GRIK1: variants seen among roughly 807,000 people sequenced by gnomAD.
The protein encoded by GRIK1 is glutamate ionotropic receptor kainate type subunit 1, also known as glutamate receptor ionotropic, kainate 1.
In GRIK1, 69 loss-of-function variants were observed where a neutral mutation model predicts 105.7. The observed-to-expected ratio is 0.65, with a 90% CI of 0.54 to 0.80. The LOEUF (loss-of-function observed/expected upper bound fraction) is 0.80, where lower values mean the gene tolerates loss of function less well. Ranked by LOEUF, GRIK1 falls within the 30% of genes least tolerant of loss-of-function variation. GRIK1 has a pLI of 0.00. For synonymous variants in GRIK1, 438 were observed against 431.3 expected (o/e 1.02, Z -0.19); for missense variants, 1,109 against 1,167.3 (o/e 0.95, Z 0.73).
chr21:29,897,958 T>G (rs2070233884), intron 1 of GRIK1, among the ~76,000 whole-genome samples: 1 of 152,186 alleles, frequency 6.6e-6, no homozygotes, highest in Non-Finnish European at 1.5e-5. Context: ...GGAGAAATAT[T>G]TGCAGTTATA....
chr21:29,742,213 CA>C (rs1452889930), intron 1 of GRIK1, among the ~76,000 whole-genome samples: 1 of 152,082 alleles, frequency 6.6e-6, no homozygotes, highest in Non-Finnish European at 1.5e-5. Context: ...TTCTGTTGTT[CA>C]AAAGGAATCA....
At chr21:29,901,800 G>A (rs1231787180) in intron 1 of GRIK1, among the ~76,000 whole-genome samples, 2 of 152,080 alleles carry the variant, frequency 1.3e-5, no homozygotes, top group South Asian at 4.2e-4. Flanking sequence ...ATTTTATGAG[G>A]CCAGCATCAT....
chr21:29,592,341 C>A (rs79049425), intron 9 of GRIK1, among the ~76,000 whole-genome samples: 3,674 of 152,274 alleles, frequency 0.024, 70 homozygotes, highest in East Asian at 0.093. Flanking sequence ...CCAACCATGG[C>A]AACTGGCATT....
At chr21:29,729,946 C>A (rs1442868720) in intron 1 of GRIK1, among the ~76,000 whole-genome samples, 2 of 152,176 alleles carry the variant, frequency 1.3e-5, no homozygotes, top group Non-Finnish European at 2.9e-5. Context: ...AACTTCTAAT[C>A]TCTCCCTGGA....
chr21:29,621,463 T>C (rs1193490416), intron 7 of GRIK1, among the ~76,000 whole-genome samples: 3 of 152,168 alleles, frequency 2.0e-5, no homozygotes, highest in Non-Finnish European at 4.4e-5. Flanking sequence ...CAATTCAAAA[T>C]GCAGATGGGC....
At chr21:29,879,964 G>A (rs1453034590) in intron 1 of GRIK1, among the ~76,000 whole-genome samples, 1 of 152,094 alleles carries the variant, frequency 6.6e-6, no homozygotes, top group East Asian at 1.9e-4. Context: ...GTGGTGAAAA[G>A]AGTTTACATA....
intron 16 of GRIK1, chr21:29,553,290 G>A (rs941458572): frequency 9.4e-7 from 1 of 1,064,868 alleles, no homozygotes; most frequent in Non-Finnish European, 1.1e-6. Flanking sequence ...CATGAAGATA[G>A]AACTAAGATG....
At chr21:29,644,215 G>T (rs549911370) in intron 6 of GRIK1, among the ~76,000 whole-genome samples, 1 of 151,734 alleles carries the variant, frequency 6.6e-6, no homozygotes, top group African/African-American at 2.4e-5. Context: ...TTGAGGTCAC[G>T]GAATACCTCT....
intron 1 of GRIK1, among the ~76,000 whole-genome samples, chr21:29,851,169 C>T (rs1159973288): frequency 7.2e-5 from 11 of 152,066 alleles, no homozygotes; most frequent in Admixed American, 7.2e-4. Context: ...ATTCTCCTGC[C>T]TCAGCCTCTT....
chr21:29,844,506 G>A (rs967006296), intron 1 of GRIK1, among the ~76,000 whole-genome samples: 3 of 152,128 alleles, frequency 2.0e-5, no homozygotes, highest in Admixed American at 6.5e-5. Context: ...GAAACTACAG[G>A]AATTGTTGAA....
chr21:29,628,609 T>C (rs1184201102), intron 7 of GRIK1, among the ~76,000 whole-genome samples: 1 of 152,194 alleles, frequency 6.6e-6, no homozygotes, highest in African/African-American at 2.4e-5. Flanking sequence ...CTGGTTCATG[T>C]GGTGGCTTGT....
intron 1 of GRIK1, among the ~76,000 whole-genome samples, chr21:29,895,098 C>T (rs2070084083): frequency 6.6e-6 from 1 of 152,094 alleles, no homozygotes; most frequent in African/African-American, 2.4e-5. Flanking sequence ...ATGGGTTCAA[C>T]AGATATTTAA....
chr21:29,717,221 T>C (rs111565693), intron 1 of GRIK1, among the ~76,000 whole-genome samples: 2 of 152,312 alleles, frequency 1.3e-5, no homozygotes, highest in African/African-American at 4.8e-5. Context: ...ATGGAGAATC[T>C]CTGCTAGGGC....
chr21:29,900,958 C>T (rs1269094762), intron 1 of GRIK1, among the ~76,000 whole-genome samples: 3 of 152,166 alleles, frequency 2.0e-5, no homozygotes, highest in Admixed American at 1.3e-4. Context: ...ACAGTGCAAT[C>T]AAATTAGAAC....
chr21:29,910,451 T>A (rs1426168109), intron 1 of GRIK1, among the ~76,000 whole-genome samples: 2 of 152,106 alleles, frequency 1.3e-5, no homozygotes, highest in African/African-American at 4.8e-5. Flanking sequence ...AAATTAGCAA[T>A]GTACAAGTGT....
At chr21:29,638,502 A>G (rs1330820393) in intron 7 of GRIK1, among the ~76,000 whole-genome samples, 3 of 152,216 alleles carry the variant, frequency 2.0e-5, no homozygotes, top group African/African-American at 7.2e-5. Context: ...TCAGTTGTAC[A>G]AAGAGGTGGC....
chr21:29,868,174 C>A (rs1035691499), intron 1 of GRIK1, among the ~76,000 whole-genome samples: 1 of 152,092 alleles, frequency 6.6e-6, no homozygotes, highest in African/African-American at 2.4e-5. Context: ...GAAAAGACAC[C>A]AAAGCATTGT....
At chr21:29,832,259 G>T (rs2067663884) in intron 1 of GRIK1, among the ~76,000 whole-genome samples, 1 of 152,150 alleles carries the variant, frequency 6.6e-6, no homozygotes, top group Non-Finnish European at 1.5e-5. Flanking sequence ...GCTTTTCCAG[G>T]TGTATAATGC....
chr21:29,713,772 C>T (rs1269431859), intron 1 of GRIK1, among the ~76,000 whole-genome samples: 2 of 152,140 alleles, frequency 1.3e-5, no homozygotes, highest in East Asian at 3.8e-4. Context: ...AAATCTGGAA[C>T]ACATTGACTA....
Sources: gnomAD v4.1 joint callset for allele counts (sites outside exome capture counted in the v4.1 genomes callset) on GRCh38, gnomAD v4.1.1 for gene constraint, MANE v1.5 for transcripts, NCBI Gene and HGNC (gene_info 2026-07-23, HGNC 2026-07-21) for gene names.